The following XIRP2 variants were observed in gnomAD, a reference collection of about 807,000 sequenced individuals.
XIRP2 encodes xin actin binding repeat containing 2, also known as xin actin-binding repeat-containing protein 2.
A neutral mutation model predicts 277.0 loss-of-function variants in XIRP2; 236 were observed. The observed-to-expected ratio is 0.85, with a 90% CI of 0.77 to 0.95. The LOEUF (loss-of-function observed/expected upper bound fraction) is 0.95, where lower values mean the gene tolerates loss of function less well. XIRP2 is among the 40% of genes least tolerant of loss of function. The pLI is 0.00. For missense variants in XIRP2, 4,640 were observed against 4,157.5 expected (o/e 1.12, Z -3.19); for synonymous variants, 1,490 against 1,416.5 (o/e 1.05, Z -1.17).
chr2:167,258,199 C>T lies in XIRP2; in HGVS notation c.*382C>T. ...AGGAGATCCCTAAGAAAACCTTACC[C>T]TTTGAGGAAGAGCTCAAAATGAGTA... On this transcript the variant is annotated 3_prime_UTR_variant, in exon 11 of 11. Coordinates refer to ENST00000409195, the MANE Select transcript of XIRP2 (RefSeq NM_152381.6). 6.2e-7 allele frequency: 1 copy of T among 1,612,974 alleles called. No individual in the cohort carries two copies. The highest frequency in any genetic ancestry group is 8.5e-7 in the Non-Finnish European group (1 of 1,179,540).
intron 4 of XIRP2, among the ~76,000 whole-genome samples, chr2:167,217,145 A>T (rs1461407308): frequency 9.5e-5 from 6 of 62,840 alleles, no homozygotes; most frequent in South Asian, 1.4e-3. Flanking sequence ...GGGTGGGGGG[A>T]GGGGGAAGGG....
chr2:166,933,067 TAC>T (rs544132308), intron 2 of XIRP2, among the ~76,000 whole-genome samples: 60 of 149,502 alleles, frequency 4.0e-4, no homozygotes, highest in Admixed American at 4.0e-4. Flanking sequence ...TTTGTTAATC[TAC>T]ACACACACAC....
chr2:167,050,979 G>T (rs1400270338), intron 2 of XIRP2, among the ~76,000 whole-genome samples: 1 of 151,822 alleles, frequency 6.6e-6, no homozygotes, highest in East Asian at 1.9e-4. Context: ...GCTTTTACCT[G>T]GACTAAATTC....
intron 2 of XIRP2, among the ~76,000 whole-genome samples, chr2:167,071,470 G>A (rs1401566649): frequency 6.6e-6 from 1 of 152,178 alleles, no homozygotes; most frequent in Non-Finnish European, 1.5e-5. Context: ...GGGAAGGACT[G>A]CGGTCAGATG....
intron 2 of XIRP2, among the ~76,000 whole-genome samples, chr2:167,033,473 C>A (rs1274314947): frequency 1.3e-5 from 2 of 151,928 alleles, no homozygotes; most frequent in Admixed American, 1.3e-4. Flanking sequence ...GCAATAAAAA[C>A]AGAACTTTCC....
rs777279872 is a variant in XIRP2, at chr2:167,243,774, A to C, written c.2382A>C (p.Gly794=). The part of the protein sequence containing the change: ...KDITEIKVVR[G]ISMEENVKGG... ...TCACAGAAATTAAAGTTGTCCGAGG[A>C]ATATCCATGGAAGAAAATGTCAAAG... is the stretch of plus-strand genomic sequence containing the variant. The change falls in exon 9 of 11, where the codon GGA becomes GGC. Residue 794 remains glycine, a synonymous_variant. Transcript: ENST00000409195. 2 of 1,614,044 alleles carry C rather than the reference A, an allele frequency of 1.2e-6. No individual in the cohort carries two copies. The highest frequency in any genetic ancestry group is 3.3e-5 in the Admixed American group (2 of 60,016).
At chr2:166,889,012 G>A (rs1296216732) in intron 1 of XIRP2, among the ~76,000 whole-genome samples, 3 of 152,150 alleles carry the variant, frequency 2.0e-5, no homozygotes, top group African/African-American at 7.2e-5. Flanking sequence ...GACTCGCCAG[G>A]GACAAAGCCA....
intron 2 of XIRP2, among the ~76,000 whole-genome samples, chr2:167,117,406 A>G (rs542658361): frequency 3.3e-5 from 5 of 152,280 alleles, no homozygotes; most frequent in Admixed American, 1.3e-4. Context: ...AGGTGACTCA[A>G]ATGCGACCTT....
At chr2:166,959,815 T>A (rs1389706978) in intron 2 of XIRP2, among the ~76,000 whole-genome samples, 1 of 151,708 alleles carries the variant, frequency 6.6e-6, no homozygotes, top group African/African-American at 2.4e-5. Context: ...GAGGATACAA[T>A]CACAGTGACT....
intron 1 of XIRP2, 33 bp downstream of exon 1, chr2:166,888,590 A>G (rs1684015882): frequency 6.6e-6 from 1 of 152,184 alleles, no homozygotes; most frequent in Admixed American, 6.5e-5. Context: ...CACTTCTTTC[A>G]TAATTTTTTC....
At position 167,244,709 on chromosome 2, in the gene XIRP2, T is replaced by G; in HGVS notation, c.3317T>G (p.Leu1106Arg). 1 of 1,613,336 alleles carries G rather than the reference T, an allele frequency of 6.2e-7. No individual in the cohort carries two copies. The highest frequency in any genetic ancestry group is 8.5e-7 in the Non-Finnish European group (1 of 1,179,674). Reference sequence around the variant, plus strand: ...TTTGAGACCCAGCCAATGGAGTCTCTTTATGAAAAAGTTTCGTTAATGACC... The same window carrying G: ...TTTGAGACCCAGCCAATGGAGTCTCGTTATGAAAAAGTTTCGTTAATGACC... ...WLFETQPMES[L>R]YEKVSLMTSS... The change falls in exon 9 of 11, where the codon CTT (leucine) becomes CGT (arginine). Residue 1106 changes from leucine to arginine, a missense_variant. By Grantham distance (102) the Leu-to-Arg change is moderately radical. Transcript: ENST00000409195.
intron 3 of XIRP2, among the ~76,000 whole-genome samples, chr2:167,206,545 G>A (rs574801819): frequency 2.0e-5 from 3 of 152,242 alleles, no homozygotes; most frequent in Non-Finnish European, 2.9e-5. Context: ...AAAATCAGAC[G>A]TGGCTCATAT....
At chr2:167,225,272 T>C (rs1271001514) in intron 5 of XIRP2, among the ~76,000 whole-genome samples, 1 of 152,160 alleles carries the variant, frequency 6.6e-6, no homozygotes, top group Non-Finnish European at 1.5e-5. Context: ...GAGGAAAAGC[T>C]ATGCTGTTTG....
At chr2:166,942,902 T>C (rs1413517177) in intron 2 of XIRP2, among the ~76,000 whole-genome samples, 2 of 152,124 alleles carry the variant, frequency 1.3e-5, no homozygotes, top group Non-Finnish European at 2.9e-5. Flanking sequence ...ATAAATTAAA[T>C]TGAATTTCTC....
intron 2 of XIRP2, among the ~76,000 whole-genome samples, chr2:166,934,417 A>G (rs1470637015): frequency 6.6e-6 from 1 of 152,128 alleles, no homozygotes; most frequent in Non-Finnish European, 1.5e-5. Context: ...AACTTTGGAC[A>G]TGGCTCTTTT....
chr2:167,054,782 C>T (rs541744596), intron 2 of XIRP2, among the ~76,000 whole-genome samples: 24 of 152,078 alleles, frequency 1.6e-4, no homozygotes, highest in Non-Finnish European at 3.1e-4. Flanking sequence ...AAGACAGGCA[C>T]ACAGTATCCT....
chr2:167,193,695 T>C (rs1393538260), intron 3 of XIRP2, among the ~76,000 whole-genome samples: 1 of 151,958 alleles, frequency 6.6e-6, no homozygotes. Context: ...CTAGCTAACA[T>C]GGGGAAACCC....
intron 2 of XIRP2, among the ~76,000 whole-genome samples, chr2:166,977,733 G>C (rs897053740): frequency 1.3e-5 from 2 of 152,162 alleles, no homozygotes; most frequent in Non-Finnish European, 2.9e-5. Flanking sequence ...AGGGGAATAA[G>C]TGAAGTAAAC....
In XIRP2 at chr2:167,010,546, A is replaced by G. The variant is rs1241817898; in HGVS notation, c.408+106656A>G. 2.3e-4 allele frequency among the ~76,000 whole-genome samples: 35 copies of G among 151,948 alleles called. 1 individual carries two copies. Among genetic ancestry groups the G allele is most frequent in the South Asian group, 4.1e-4 (2 of 4,820 alleles). On this transcript the variant is annotated intron_variant, in intron 2 of 10. Transcript: ENST00000409195. ...TCTTTTGGCTTAGGATTGACTTGGC[A>G]ATGCGGGCTCTTTTTTGGTTCCATA...
Sources: gnomAD v4.1 joint callset for allele counts (sites outside exome capture counted in the v4.1 genomes callset) on GRCh38, gnomAD v4.1.1 for gene constraint, MANE v1.5 for transcripts, NCBI Gene and HGNC (gene_info 2026-07-23, HGNC 2026-07-21) for gene names.